PTPRC: variants seen among roughly 807,000 people sequenced by gnomAD.
PTPRC encodes protein tyrosine phosphatase receptor type C.
PTPRC carries 44 observed loss-of-function variants against 155.9 expected under a neutral mutation model. The ratio of observed to expected loss-of-function variants is 0.28; its 90% CI spans 0.22 to 0.36. The LOEUF (loss-of-function observed/expected upper bound fraction) is 0.36. Among genes scored for constraint, PTPRC ranks in the 10% least tolerant of loss-of-function variants. The pLI is 1.00. For missense variants in PTPRC, 1,401 were observed against 1,564.6 expected (o/e 0.90, Z 1.76); for synonymous variants, 525 against 533.1 (o/e 0.98, Z 0.21).
At chr1:198,655,163 G>A (rs1227389337) in intron 2 of PTPRC, among the ~76,000 whole-genome samples, 1 of 151,480 alleles carries the variant, frequency 6.6e-6, no homozygotes, top group Non-Finnish European at 1.5e-5. Flanking sequence ...TATTGTTCAA[G>A]TTGCCGGTTT....
chr1:198,733,027 C>G (rs10919564), intron 20 of PTPRC, among the ~76,000 whole-genome samples: 2,319 of 151,842 alleles, frequency 0.015, 53 homozygotes, highest in African/African-American at 0.053. Flanking sequence ...TAAATTTCAG[C>G]AGACATTCCT....
intron 23 of PTPRC, among the ~76,000 whole-genome samples, chr1:198,737,255 A>C (rs12144749): frequency 0.013 from 1,954 of 151,772 alleles, 25 homozygotes; most frequent in Non-Finnish European, 0.016. Flanking sequence ...TTGTTGAATA[A>C]AACTTTGCAC....
Position 198,709,827 on chromosome 1 carries a change from G to C in PTPRC, c.1171+3G>C. Reference sequence around the variant, plus strand: ...AATTATTAAAACAGATTTTGGGAGTGAGTATGTTACTTGCATTTATATGTA... The same window carrying C: ...AATTATTAAAACAGATTTTGGGAGTCAGTATGTTACTTGCATTTATATGTA... On this transcript the variant is annotated splice_donor_region_variant and intron_variant, in intron 11 of 32. Coordinates refer to ENST00000442510, the MANE Select transcript of PTPRC (RefSeq NM_002838.5). The C allele has an allele frequency of 6.2e-7, 1 of 1,610,900 alleles. No homozygotes were observed. The highest frequency in any genetic ancestry group is 8.5e-7 in the Non-Finnish European group (1 of 1,178,360).
At chr1:198,719,311 G>A (rs1034825842) in intron 14 of PTPRC, among the ~76,000 whole-genome samples, 3 of 151,826 alleles carry the variant, frequency 2.0e-5, no homozygotes, top group Admixed American at 6.6e-5. Context: ...TTTACTTATT[G>A]TTCTTTGTGT....
chr1:198,641,071 A>G (rs974481947), intron 2 of PTPRC, among the ~76,000 whole-genome samples: 1 of 152,050 alleles, frequency 6.6e-6, no homozygotes. Context: ...ATGGATATAC[A>G]TAAATTTATT....
intron 2 of PTPRC, among the ~76,000 whole-genome samples, chr1:198,690,511 A>G (rs1665868593): frequency 6.6e-6 from 1 of 152,090 alleles, no homozygotes; most frequent in Admixed American, 6.6e-5. Context: ...GTAATGAGAA[A>G]ACAAGAAAGT....
At chr1:198,722,262 A>G (rs922312877) in intron 14 of PTPRC, among the ~76,000 whole-genome samples, 154 bp from the exon 15 acceptor site, 3 of 150,304 alleles carry the variant, frequency 2.0e-5, no homozygotes, top group African/African-American at 7.3e-5. Context: ...ACATACTGAC[A>G]TAACCTTGAA....
At chr1:198,661,011 A>G (rs1262308701) in intron 2 of PTPRC, among the ~76,000 whole-genome samples, 1 of 150,196 alleles carries the variant, frequency 6.7e-6, no homozygotes, top group Admixed American at 6.7e-5. Context: ...GGATCAATGT[A>G]TATATATCCC....
chr1:198,644,699 G>A (rs1662841881), intron 2 of PTPRC, among the ~76,000 whole-genome samples: 1 of 151,792 alleles, frequency 6.6e-6, no homozygotes, highest in African/African-American at 2.4e-5. Context: ...GTCAATATTA[G>A]TGAAGTAAAC....
At chr1:198,705,416 C>T (rs1008861167) in intron 8 of PTPRC, among the ~76,000 whole-genome samples, 8 of 150,464 alleles carry the variant, frequency 5.3e-5, no homozygotes, top group Non-Finnish European at 7.4e-5. Context: ...TTCTTTCATT[C>T]GTTAGTTCTT....
chr1:198,643,603 T>C (rs1018512734), intron 2 of PTPRC, among the ~76,000 whole-genome samples: 2 of 151,932 alleles, frequency 1.3e-5, no homozygotes, highest in Non-Finnish European at 2.9e-5. Context: ...ACCTCTCGTC[T>C]GGAAAGAGCC....
intron 5 of PTPRC, among the ~76,000 whole-genome samples, chr1:198,701,184 G>T (rs183351114): frequency 6.6e-6 from 1 of 152,254 alleles, no homozygotes; most frequent in Non-Finnish European, 1.5e-5. Context: ...AAATTTCGTG[G>T]TTTAGTGGCT....
intron 28 of PTPRC, 89 bp from the exon 29 acceptor site, chr1:198,750,403 A>G (rs1410310634): frequency 3.6e-6 from 5 of 1,390,578 alleles, no homozygotes; most frequent in African/African-American, 1.4e-5. Flanking sequence ...ATTGATATCA[A>G]ACTGACTATA....
At position 198,639,134 on chromosome 1, in the gene PTPRC, G is replaced by C; in HGVS notation, c.-47G>C. On this transcript the variant is annotated 5_prime_UTR_variant, in exon 1 of 33. Transcript: ENST00000442510. Reference sequence around the variant, plus strand: ...TTCCTCGTCTGATAAGACAACAGTGGAGAGTATGCATTTATTTATTTACTT... The same window carrying C: ...TTCCTCGTCTGATAAGACAACAGTGCAGAGTATGCATTTATTTATTTACTT... The C allele has an allele frequency of 2.7e-6, 2 of 750,576 alleles. No homozygotes were observed. Among genetic ancestry groups the C allele is most frequent in the Non-Finnish European group, 4.8e-6 (2 of 419,474 alleles). The allele number at this position is 750,576 out of a possible 1,614,324, so 46.5% of individuals were successfully genotyped here.
intron 6 of PTPRC, 147 bp from the exon 7 acceptor site, chr1:198,703,151 T>G (rs922398229): frequency 1.9e-6 from 2 of 1,060,886 alleles, no homozygotes; most frequent in African/African-American, 3.2e-5. Context: ...TTCACTTTAT[T>G]ATTTTAAAAA....
rs578074992 is a variant in PTPRC, at chr1:198,717,437, C to T, written c.1450+597C>T. Among the ~76,000 whole-genome samples the T allele has an allele frequency of 1.7e-4, 26 of 152,268 alleles. No individual in the cohort carries two copies. The East Asian group carries it at 4.2e-3, about 25-fold the overall frequency. On this transcript the variant is annotated intron_variant, in intron 13 of 32. Coordinates refer to ENST00000442510, the MANE Select transcript of PTPRC (RefSeq NM_002838.5). ...TTCTGGGGCACATGTTAACCTCCAT[C>T]GAGGACAGGGAAGAAGAAATGCCGT... is the stretch of plus-strand genomic sequence containing the variant.
At chr1:198,689,749 C>G (rs768740410) in intron 2 of PTPRC, among the ~76,000 whole-genome samples, 1 of 152,174 alleles carries the variant, frequency 6.6e-6, no homozygotes, top group African/African-American at 2.4e-5. Context: ...TTCTTATACA[C>G]AAGACTCTTT....
Position 198,752,864 on chromosome 1 carries a change from A to G in PTPRC, c.3509+92A>G. The G allele has an allele frequency of 3.6e-6, 5 of 1,398,288 alleles. No homozygotes were observed. In the Admixed American group the frequency reaches 5.4e-5, roughly 15 times the overall value. The allele number at this position is 1,398,288 out of a possible 1,614,324, so 86.6% of individuals were successfully genotyped here. A position where few individuals can be genotyped will look rare whatever the true frequency, so the allele number is the denominator to read the frequency against. The stretch of plus-strand genomic sequence containing the variant: ...CTTATCTAGTTATCCTCATATATGA[A>G]ACACATAACCACAGTAAAAACTTCT... On this transcript the variant is annotated intron_variant, in intron 31 of 32. Transcript: ENST00000442510.
At chr1:198,740,040 A>G (rs906318606) in intron 23 of PTPRC, among the ~76,000 whole-genome samples, 2 of 151,776 alleles carry the variant, frequency 1.3e-5, no homozygotes, top group African/African-American at 4.8e-5. Context: ...AAACACAACA[A>G]ACCAAATCCT....
Sources: gnomAD v4.1 joint callset for allele counts (sites outside exome capture counted in the v4.1 genomes callset) on GRCh38, gnomAD v4.1.1 for gene constraint, MANE v1.5 for transcripts, NCBI Gene and HGNC (gene_info 2026-07-23, HGNC 2026-07-21) for gene names.